The following RUSC2 variants were observed in gnomAD, a reference collection of about 807,000 sequenced individuals.
RUSC2 encodes the protein RUN and SH3 domain containing 2, also known as AP-4 complex accessory subunit RUSC2.
RUSC2 carries 34 observed loss-of-function variants against 122.2 expected under a neutral mutation model. The observed-to-expected ratio is 0.28, with a 90% CI of 0.21 to 0.37. The LOEUF (loss-of-function observed/expected upper bound fraction) is 0.37, where lower values mean the gene tolerates loss of function less well. RUSC2 is among the 10% of genes least tolerant of loss of function. RUSC2 has a pLI of 1.00. For missense variants in RUSC2, 1,747 were observed against 1,952.4 expected (o/e 0.89, Z 1.98); for synonymous variants, 784 against 790.0 (o/e 0.99, Z 0.13).
chr9:35,559,154 A>T (rs1436351602), intron 8 of RUSC2, 72 bp from the exon 9 acceptor site: 16 of 1,222,970 alleles, frequency 1.3e-5, no homozygotes, highest in Non-Finnish European at 1.9e-5. Context: ...CCTGTGCCTG[A>T]CCCCCTGGAT....
intron 2 of RUSC2, among the ~76,000 whole-genome samples, chr9:35,554,673 G>C (rs1217554393): frequency 6.6e-6 from 1 of 152,224 alleles, no homozygotes; most frequent in Admixed American, 6.5e-5. Flanking sequence ...CTATAAAGCA[G>C]AATGATCTGG....
Position 35,561,320 on chromosome 9 carries a change from C to G in RUSC2, c.4489C>G (p.Pro1497Ala), listed in dbSNP as rs769363217. Residue 1497 changes from proline to alanine, a missense_variant, in exon 12 of 12, where the codon CCC (proline) becomes GCC (alanine). Coordinates refer to ENST00000361226, the MANE Select transcript of RUSC2 (RefSeq NM_014806.5). The stretch of plus-strand genomic sequence containing the variant: ...CCGTGGCCCCGACTCTGGCCTGGTG[C>G]CCCTGGCCTACGTGACATTGACCCC... ...CSRGPDSGLV[P>A]LAYVTLTPTP... 6.2e-7 allele frequency: 1 copy of G among 1,614,134 alleles called. No homozygotes were observed. The highest frequency in any genetic ancestry group is 8.5e-7 in the Non-Finnish European group (1 of 1,180,014).
intron 1 of RUSC2, among the ~76,000 whole-genome samples, chr9:35,525,285 C>T (rs1254584387): frequency 1.3e-5 from 2 of 152,170 alleles, no homozygotes; most frequent in East Asian, 3.9e-4. Context: ...CACCTAACCC[C>T]TCAGTTTTCA....
chr9:35,495,092 T>C (rs1310386057), intron 1 of RUSC2, among the ~76,000 whole-genome samples: 2 of 77,642 alleles, frequency 2.6e-5, no homozygotes, highest in South Asian at 3.5e-4. Context: ...ATATATTATA[T>C]ATACTATAGT....
At chr9:35,535,920 A>G (rs775319616) in intron 1 of RUSC2, among the ~76,000 whole-genome samples, 1 of 152,204 alleles carries the variant, frequency 6.6e-6, no homozygotes, top group Non-Finnish European at 1.5e-5. Flanking sequence ...GCCAAGCAGT[A>G]TGCTAGGTTT....
chr9:35,534,506 G>A (rs968309805), intron 1 of RUSC2, among the ~76,000 whole-genome samples: 4 of 151,560 alleles, frequency 2.6e-5, no homozygotes, highest in Non-Finnish European at 5.9e-5. Flanking sequence ...TTTTGAGACA[G>A]GTTCTCACTC....
chr9:35,561,652 G>T lies in RUSC2; in HGVS notation c.*270G>T. ...GCCCGTCTGGGCCAACCCTTCCATG[G>T]GTGAAGACAAGCAAGTCCCCCTGGA... On this transcript the variant is annotated 3_prime_UTR_variant, in exon 12 of 12. Transcript: ENST00000361226. 1.8e-6 allele frequency: 1 copy of T among 550,886 alleles called. No individual in the cohort carries two copies. Among genetic ancestry groups the T allele is most frequent in the Non-Finnish European group, 3.2e-6 (1 of 313,490 alleles). 34.1% of individuals were successfully genotyped at this position (550,886 alleles called of 1,614,324 possible).
At chr9:35,500,703 T>C (rs1207843073) in intron 1 of RUSC2, among the ~76,000 whole-genome samples, 1 of 152,234 alleles carries the variant, frequency 6.6e-6, no homozygotes, top group South Asian at 2.1e-4. Flanking sequence ...ATAACCAATG[T>C]GACCACTTTG....
intron 1 of RUSC2, among the ~76,000 whole-genome samples, chr9:35,508,306 C>G (rs1189921853): frequency 6.6e-6 from 1 of 152,230 alleles, no homozygotes; most frequent in Non-Finnish European, 1.5e-5. Flanking sequence ...GCTTACTCAG[C>G]AATGACTTCT....
intron 1 of RUSC2, among the ~76,000 whole-genome samples, chr9:35,511,151 C>T (rs1261667807): frequency 2.0e-5 from 3 of 152,186 alleles, no homozygotes; most frequent in Non-Finnish European, 4.4e-5. Context: ...TTTAGTGTAA[C>T]TTTATAGCAC....
At chr9:35,494,368 G>T (rs1022951587) in intron 1 of RUSC2, among the ~76,000 whole-genome samples, 1 of 152,102 alleles carries the variant, frequency 6.6e-6, no homozygotes, top group Non-Finnish European at 1.5e-5. Flanking sequence ...GGAGGCTGAG[G>T]CAGGAGAATG....
At chr9:35,532,616 T>G (rs1821442224) in intron 1 of RUSC2, among the ~76,000 whole-genome samples, 2 of 151,104 alleles carry the variant, frequency 1.3e-5, no homozygotes, top group Non-Finnish European at 3.0e-5. Flanking sequence ...TGTGGTGGCA[T>G]GCACCTGTAA....
At chr9:35,534,602 C>T (rs1821487244) in intron 1 of RUSC2, among the ~76,000 whole-genome samples, 1 of 152,180 alleles carries the variant, frequency 6.6e-6, no homozygotes, top group African/African-American at 2.4e-5. Context: ...GTGCCTTAGC[C>T]TCCCGAGTAG....
chr9:35,528,930 T>G (rs1280733324), intron 1 of RUSC2, among the ~76,000 whole-genome samples: 1 of 151,864 alleles, frequency 6.6e-6, no homozygotes, highest in African/African-American at 2.4e-5. Flanking sequence ...TTAAAAAAAT[T>G]TTTAAAAAAA....
intron 1 of RUSC2, among the ~76,000 whole-genome samples, chr9:35,529,527 C>G (rs1587851132): frequency 6.7e-6 from 1 of 149,582 alleles, no homozygotes; most frequent in Admixed American, 6.7e-5. Context: ...TATTGACATA[C>G]TAGATGTGAC....
intron 1 of RUSC2, among the ~76,000 whole-genome samples, chr9:35,508,319 A>G (rs988796272): frequency 3.9e-5 from 6 of 152,172 alleles, no homozygotes; most frequent in Non-Finnish European, 7.3e-5. Flanking sequence ...TGACTTCTCT[A>G]TTCCTCCTTT....
Position 35,561,520 on chromosome 9 carries a change from C to G in RUSC2, c.*138C>G, listed in dbSNP as rs1311474378. 2 of 687,630 alleles carry G rather than the reference C, an allele frequency of 2.9e-6. No individual in the cohort carries two copies. Among genetic ancestry groups the G allele is most frequent in the Non-Finnish European group, 4.9e-6 (2 of 407,490 alleles). The allele number at this position is 687,630 out of a possible 1,614,324, so 42.6% of individuals were successfully genotyped here. A position where few individuals can be genotyped will look rare whatever the true frequency, so the allele number is the denominator to read the frequency against. On this transcript the variant is annotated 3_prime_UTR_variant, in exon 12 of 12. Coordinates refer to ENST00000361226, the MANE Select transcript of RUSC2 (RefSeq NM_014806.5). ...CGTATCCCTGTGCTGGCACCTGCTC[C>G]CTGTGCTCAGTATTAATTACGCCCC... is the stretch of plus-strand genomic sequence containing the variant.
intron 4 of RUSC2, 67 bp downstream of exon 4, chr9:35,556,204 G>C: frequency 6.3e-7 from 1 of 1,599,356 alleles, no homozygotes; most frequent in South Asian, 1.1e-5. Flanking sequence ...GCTAGAGAAG[G>C]GGTCAGTCCC....
At chr9:35,541,452 AT>A (rs1170147201) in intron 1 of RUSC2, among the ~76,000 whole-genome samples, 1,625 of 141,280 alleles carry the variant, frequency 0.012, 26 homozygotes, top group African/African-American at 0.031. Context: ...GTTTACTCTC[AT>A]TTTTTTTTTT....
Sources: allele counts gnomAD v4.1 joint callset (sites outside exome capture counted in the v4.1 genomes callset), GRCh38; gene constraint gnomAD v4.1.1; transcripts MANE v1.5; gene names NCBI Gene and HGNC (gene_info 2026-07-23, HGNC 2026-07-21).